Variants in FBXL17 observed in about 807,000 individuals in gnomAD.
The protein encoded by FBXL17 is F-box/LRR-repeat protein 17.
Under a neutral mutation model 66.2 loss-of-function variants are expected in FBXL17, and 22 were observed. The observed-to-expected ratio is 0.33, with a 90% CI of 0.24 to 0.47. FBXL17 has a LOEUF of 0.47. Ranked by LOEUF, FBXL17 falls within the 20% of genes least tolerant of loss-of-function variation. The pLI is 1.00. For synonymous variants in FBXL17, 474 were observed against 400.5 expected (o/e 1.18, Z -2.19); for missense variants, 878 against 948.2 (o/e 0.93, Z 0.97).
chr5:108,044,014 A>C (rs1368717898), intron 6 of FBXL17, among the ~76,000 whole-genome samples: 1 of 152,200 alleles, frequency 6.6e-6, no homozygotes, highest in East Asian at 1.9e-4. Context: ...AGTATACAGA[A>C]ATACAATCGA....
intron 8 of FBXL17, among the ~76,000 whole-genome samples, chr5:107,867,692 T>C (rs1280063556): frequency 6.6e-6 from 1 of 152,250 alleles, no homozygotes; most frequent in Admixed American, 6.5e-5. Context: ...TTCTGATTTC[T>C]TGGGCTTTGG....
At chr5:108,256,068 A>G (rs190814538) in intron 4 of FBXL17, among the ~76,000 whole-genome samples, 61 of 152,316 alleles carry the variant, frequency 4.0e-4, no homozygotes, top group Non-Finnish European at 1.0e-4. Context: ...CAAAGCTCAG[A>G]GTCAAGAAGA....
chr5:107,967,908 T>C (rs1382509179), intron 7 of FBXL17, among the ~76,000 whole-genome samples: 1 of 152,150 alleles, frequency 6.6e-6, no homozygotes, highest in East Asian at 1.9e-4. Flanking sequence ...TATCTAATGT[T>C]AGTTATTATC....
intron 7 of FBXL17, among the ~76,000 whole-genome samples, chr5:107,990,073 CT>C (rs1218005209): frequency 3.3e-5 from 5 of 152,278 alleles, no homozygotes; most frequent in African/African-American, 1.2e-4. Flanking sequence ...AGGGATGAAA[CT>C]TTAGAAAGAG....
intron 6 of FBXL17, among the ~76,000 whole-genome samples, chr5:108,054,098 C>A (rs968340247): frequency 1.3e-5 from 2 of 151,984 alleles, no homozygotes; most frequent in Admixed American, 1.3e-4. Flanking sequence ...ACAGCACACA[C>A]CAGGGTCTGT....
intron 6 of FBXL17, among the ~76,000 whole-genome samples, chr5:108,141,283 A>C (rs913903022): frequency 6.6e-6 from 1 of 152,102 alleles, no homozygotes; most frequent in African/African-American, 2.4e-5. Flanking sequence ...TAGTGAAACC[A>C]TCTTTGGATC....
chr5:108,105,083 C>G (rs549690760), intron 6 of FBXL17, among the ~76,000 whole-genome samples: 10 of 152,214 alleles, frequency 6.6e-5, no homozygotes, highest in Admixed American at 3.9e-4. Context: ...CCTTGTGATC[C>G]GCCCGCCTCG....
At chr5:108,069,781 T>C (rs1350791320) in intron 6 of FBXL17, among the ~76,000 whole-genome samples, 1 of 152,196 alleles carries the variant, frequency 6.6e-6, no homozygotes, top group Admixed American at 6.5e-5. Context: ...ACTCCTTACA[T>C]ATATCTTTCT....
At chr5:108,253,971 C>T (rs1462385577) in intron 4 of FBXL17, among the ~76,000 whole-genome samples, 1 of 151,662 alleles carries the variant, frequency 6.6e-6, no homozygotes, top group Non-Finnish European at 1.5e-5. Context: ...AAGACCCTGT[C>T]TCAAAAAAAG....
At chr5:108,153,778 C>G (rs1341024111) in intron 6 of FBXL17, among the ~76,000 whole-genome samples, 1 of 152,074 alleles carries the variant, frequency 6.6e-6, no homozygotes, top group East Asian at 1.9e-4. Context: ...CATGAGAACA[C>G]TCTCTACACT....
At chr5:108,039,800 T>C (rs796802659) in intron 6 of FBXL17, among the ~76,000 whole-genome samples, 3 of 152,088 alleles carry the variant, frequency 2.0e-5, no homozygotes, top group Non-Finnish European at 4.4e-5. Flanking sequence ...TTGTTATAGG[T>C]TTAATTTAAT....
At chr5:108,170,295 A>C (rs1752558826) in intron 6 of FBXL17, among the ~76,000 whole-genome samples, 1 of 152,194 alleles carries the variant, frequency 6.6e-6, no homozygotes, top group African/African-American at 2.4e-5. Context: ...ATATTTAACA[A>C]GCAAGAAAAT....
At chr5:108,289,783 G>A (rs1281022262) in intron 4 of FBXL17, among the ~76,000 whole-genome samples, 1 of 152,020 alleles carries the variant, frequency 6.6e-6, no homozygotes, top group Admixed American at 6.6e-5. Context: ...AAATTGCTTT[G>A]GAAGGTTGCC....
chr5:108,236,446 G>T (rs1755607041), intron 4 of FBXL17, among the ~76,000 whole-genome samples: 1 of 151,948 alleles, frequency 6.6e-6, no homozygotes, highest in Non-Finnish European at 1.5e-5. Flanking sequence ...CTGGGAAGTG[G>T]AGGTTGCAGT....
chr5:107,921,670 AG>A (rs1259878258), intron 7 of FBXL17, among the ~76,000 whole-genome samples: 1 of 152,158 alleles, frequency 6.6e-6, no homozygotes, highest in Non-Finnish European at 1.5e-5. Flanking sequence ...GAAACCAGGA[AG>A]GGGCAGCAAG....
chr5:108,102,908 C>T (rs539722699), intron 6 of FBXL17, among the ~76,000 whole-genome samples: 259 of 152,088 alleles, frequency 1.7e-3, no homozygotes, highest in African/African-American at 6.0e-3. Flanking sequence ...CTGCCAATAA[C>T]ATTTATTATT....
intron 4 of FBXL17, among the ~76,000 whole-genome samples, chr5:108,320,495 A>G (rs1759568114): frequency 6.6e-6 from 1 of 151,798 alleles, no homozygotes; most frequent in African/African-American, 2.4e-5. Flanking sequence ...AGAGAACTAA[A>G]AAAATTGGAC....
chr5:108,253,935 G>T (rs1756467150), intron 4 of FBXL17, among the ~76,000 whole-genome samples: 1 of 152,100 alleles, frequency 6.6e-6, no homozygotes, highest in Non-Finnish European at 1.5e-5. Context: ...TGAGGTTGCA[G>T]TGAGTGGAGT....
intron 5 of FBXL17, among the ~76,000 whole-genome samples, chr5:108,216,806 G>C (rs1292569976): frequency 1.3e-5 from 2 of 152,104 alleles, no homozygotes; most frequent in Admixed American, 6.6e-5. Flanking sequence ...AGCACGGGGT[G>C]TTATACCTAG....
Sources: allele counts gnomAD v4.1 joint callset (sites outside exome capture counted in the v4.1 genomes callset), GRCh38; gene constraint gnomAD v4.1.1; transcripts MANE v1.5; gene names NCBI Gene and HGNC (gene_info 2026-07-23, HGNC 2026-07-21).